The following SDSL variants were observed in gnomAD, a reference collection of about 807,000 sequenced individuals.
The protein encoded by SDSL is serine dehydratase like, also known as serine dehydratase-like.
In SDSL, 26 loss-of-function variants were observed where a neutral mutation model predicts 27.6. The ratio of observed to expected loss-of-function variants is 0.94; its 90% CI spans 0.69 to 1.31. SDSL has a LOEUF of 1.31. SDSL is among the 50% of genes most tolerant of loss of function. The pLI, the probability that SDSL is intolerant of heterozygous loss-of-function variation, is 0.00. For synonymous variants in SDSL, 196 were observed against 180.6 expected (o/e 1.09, Z -0.69); for missense variants, 431 against 423.5 (o/e 1.02, Z -0.16).
chr12:113,436,142 C>A, intron 6 of SDSL, among the ~76,000 whole-genome samples: 1 of 152,064 alleles, frequency 6.6e-6, no homozygotes, highest in East Asian at 1.9e-4. Flanking sequence ...CCCCCAAACC[C>A]CCCAAAAGCC....
intron 4 of SDSL, among the ~76,000 whole-genome samples, chr12:113,432,326 C>G (rs1309521233): frequency 2.0e-5 from 3 of 150,864 alleles, no homozygotes; most frequent in South Asian, 2.1e-4. Context: ...GTCTCTCTCT[C>G]TCTCTGTCTC....
At chr12:113,429,072 T>G in intron 3 of SDSL, 88 bp from the exon 4 acceptor site, 1 of 1,470,476 alleles carries the variant, frequency 6.8e-7, no homozygotes, top group Non-Finnish European at 9.2e-7. Flanking sequence ...TGGGGACGAG[T>G]GACTCTGAAG....
At chr12:113,426,096 G>C (rs1170855957) in intron 1 of SDSL, 2 of 443,816 alleles carry the variant, frequency 4.5e-6, no homozygotes, top group Non-Finnish European at 9.1e-6. Context: ...CCGTGGGCGG[G>C]AACCCCCTGC....
chr12:113,436,362 C>T (rs1957993110), intron 6 of SDSL, among the ~76,000 whole-genome samples: 1 of 151,614 alleles, frequency 6.6e-6, no homozygotes, highest in South Asian at 2.1e-4. Context: ...GATCTCAGCT[C>T]ACTGCAACCT....
intron 1 of SDSL, chr12:113,425,833 C>CA (rs113639126): frequency 2.4e-4 from 99 of 413,680 alleles, no homozygotes; most frequent in African/African-American, 1.8e-3. Context: ...ACAAAAAATA[C>CA]AAAAAATTAA....
intron 1 of SDSL, among the ~76,000 whole-genome samples, chr12:113,424,983 G>A (rs548492602): frequency 9.9e-5 from 15 of 152,188 alleles, no homozygotes; most frequent in African/African-American, 2.9e-4. Flanking sequence ...GGATCCACCC[G>A]CCTCAGCCTC....
chr12:113,429,975 C>CTCCCTCCCTCCT (rs1957900414), intron 4 of SDSL, among the ~76,000 whole-genome samples: 1 of 148,668 alleles, frequency 6.7e-6, no homozygotes, highest in African/African-American at 2.5e-5. Flanking sequence ...TCTTCCCTCC[C>CTCCCTCCCTCCT]TCCCTCCCTC....
intron 1 of SDSL, chr12:113,426,008 A>C (rs1009963247): frequency 5.5e-5 from 21 of 381,184 alleles, no homozygotes; most frequent in African/African-American, 2.1e-4. Context: ...ACCACCACCA[A>C]CACCACCACC....
In SDSL at chr12:113,438,011, G is replaced by A. The variant is rs747826836; in HGVS notation, c.922G>A (p.Val308Met). ...TTCCCTGACTTCAGTTGTGGTAATC[G>A]TGTGTGGAGGCAACAACATCAACAG... The part of the protein sequence containing the change: ...PPSLTSVVVI[V>M]CGGNNINSRE... Residue 308 changes from valine to methionine, a missense_variant, in exon 8 of 8, where the codon GTG becomes ATG. By Grantham distance (21) the Val-to-Met change is conservative. Coordinates refer to ENST00000403593, the MANE Select transcript of SDSL (RefSeq NM_001304993.2). 1.5e-5 allele frequency: 24 copies of A among 1,614,074 alleles called. No homozygotes were observed. Among genetic ancestry groups the A allele is most frequent in the Middle Eastern group, 1.6e-4 (1 of 6,084 alleles).
At chr12:113,437,814 GC>G in intron 7 of SDSL, 71 bp from the exon 8 acceptor site, 1 of 1,375,332 alleles carries the variant, frequency 7.3e-7, no homozygotes, top group Non-Finnish European at 9.9e-7. Context: ...GATCTGCCGT[GC>G]CCAGGGCCTG....
At chr12:113,434,064 T>A in intron 4 of SDSL, 70 bp from the exon 5 acceptor site, 1 of 1,295,986 alleles carries the variant, frequency 7.7e-7, no homozygotes, top group South Asian at 1.3e-5. Context: ...AAGGAGATCC[T>A]GGGCCTCTGC....
chr12:113,425,654 T>C (rs1298154315), intron 1 of SDSL: 1 of 455,836 alleles, frequency 2.2e-6, no homozygotes, highest in Admixed American at 2.4e-5. Context: ...TCTCTTCTTT[T>C]CGTCCTTACC....
intron 1 of SDSL, among the ~76,000 whole-genome samples, chr12:113,424,020 T>A (rs914764223): frequency 1.7e-4 from 26 of 152,182 alleles, no homozygotes; most frequent in African/African-American, 6.3e-4. Flanking sequence ...TTTATTATTT[T>A]TTTTGAGACA....
chr12:113,430,133 TCCATCCAC>T (rs932528313), intron 4 of SDSL, among the ~76,000 whole-genome samples: 73 of 128,384 alleles, frequency 5.7e-4, no homozygotes, highest in African/African-American at 1.9e-3. Context: ...CATCCATCCA[TCCATCCAC>T]CCATCCATCC....
Position 113,436,781 on chromosome 12 carries a change from G to A in SDSL, c.702G>A (p.Val234=). 6.2e-7 allele frequency: 1 copy of A among 1,610,688 alleles called. No individual in the cohort carries two copies. Among genetic ancestry groups the A allele is most frequent in the South Asian group, 1.1e-5 (1 of 90,772 alleles). The change falls in exon 7 of 8, where the codon GTG becomes GTA. Residue 234 remains valine (V), a synonymous_variant. Coordinates refer to ENST00000403593, the MANE Select transcript of SDSL (RefSeq NM_001304993.2). ...SVAKSLGAKT[V]AARALECMQV... ...CCAAGAGCCTGGGTGCCAAGACGGT[G>A]GCCGCTCGGGCCCTGGAGTGCATGC... is the stretch of plus-strand genomic sequence containing the variant.
At chr12:113,433,033 G>A (rs1403451935) in intron 4 of SDSL, among the ~76,000 whole-genome samples, 1 of 152,230 alleles carries the variant, frequency 6.6e-6, no homozygotes, top group African/African-American at 2.4e-5. Context: ...TAGATACTCA[G>A]TAATGGGATT....
At chr12:113,432,236 CTTTCTTTCT>C (rs1957933510) in intron 4 of SDSL, among the ~76,000 whole-genome samples, 2 of 119,186 alleles carry the variant, frequency 1.7e-5, no homozygotes, top group Non-Finnish European at 3.6e-5. Context: ...TTCTTTCTTT[CTTTCTTTCT>C]TTCTTTCTTT....
At chr12:113,426,510 A>T (rs1404676223) in intron 1 of SDSL, among the ~76,000 whole-genome samples, 1 of 152,230 alleles carries the variant, frequency 6.6e-6, no homozygotes, top group Non-Finnish European at 1.5e-5. Flanking sequence ...TAGTATTGTG[A>T]TTACATTTTT....
chr12:113,437,821 G>A (rs965057106), intron 7 of SDSL, 65 bp from the exon 8 acceptor site: 2 of 1,420,786 alleles, frequency 1.4e-6, no homozygotes, highest in Admixed American at 2.2e-5. Flanking sequence ...CGTGCCCAGG[G>A]CCTGCTGAGC....
Sources: gnomAD v4.1 joint callset for allele counts (sites outside exome capture counted in the v4.1 genomes callset) on GRCh38, gnomAD v4.1.1 for gene constraint, MANE v1.5 for transcripts, NCBI Gene and HGNC (gene_info 2026-07-23, HGNC 2026-07-21) for gene names.